The following HIVEP1 variants were observed in gnomAD, a reference collection of about 807,000 sequenced individuals.
The protein encoded by HIVEP1 is zinc finger protein 40.
HIVEP1 carries 36 observed loss-of-function variants against 180.0 expected under a neutral mutation model. That is an observed-to-expected ratio of 0.20 (90% CI 0.15 to 0.26). The LOEUF is 0.26. HIVEP1 is among the 10% of genes least tolerant of loss of function. The pLI, the probability that HIVEP1 is intolerant of heterozygous loss-of-function variation, is 1.00. For synonymous variants in HIVEP1, 1,239 were observed against 1,239.0 expected (o/e 1.00, Z 0.00); for missense variants, 3,143 against 3,268.7 (o/e 0.96, Z 0.94).
chr6:12,133,755 G>T (rs567999666), intron 6 of HIVEP1, among the ~76,000 whole-genome samples: 35 of 152,308 alleles, frequency 2.3e-4, no homozygotes, highest in African/African-American at 8.2e-4. Flanking sequence ...GGCCAAGGCA[G>T]GCAGATTGCC....
chr6:12,175,167 ATAAT>A, the HIVEP1 span, among the ~76,000 whole-genome samples: 54 of 152,334 alleles, frequency 3.5e-4, no homozygotes, highest in South Asian at 1.0e-3. Flanking sequence ...TATTGAATTA[ATAAT>A]TAATTGGTAT....
At chr6:12,176,116 TC>T in the HIVEP1 span, among the ~76,000 whole-genome samples, 123 of 152,264 alleles carry the variant, frequency 8.1e-4, no homozygotes, top group African/African-American at 2.8e-3. Flanking sequence ...TCCAGGTTAC[TC>T]ACAACTGGCA....
chr6:12,124,824 G>A lies in HIVEP1; in HGVS notation c.5029G>A (p.Val1677Met). 1 of 1,614,182 alleles carries A rather than the reference G, an allele frequency of 6.2e-7. No individual in the cohort carries two copies. Among genetic ancestry groups the A allele is most frequent in the East Asian group, 2.2e-5 (1 of 44,886 alleles). Reference sequence around the variant, plus strand: ...AATTTGCCAGACTAATCATAGTGTAGTGCCAATCAGTGAAGAACAAAATTC... The same window carrying A: ...AATTTGCCAGACTAATCATAGTGTAATGCCAATCAGTGAAGAACAAAATTC... ...QPICQTNHSV[V>M]PISEEQNSVP... The change falls in exon 4 of 9, where the codon GTG becomes ATG. Residue 1677 changes from valine (V) to methionine (M), a missense_variant. Val to Met is a conservative substitution (Grantham distance 21). This residue lies in a region of HIVEP1 where 1,357 missense variants were observed against 1,260.5 expected (regional missense o/e 1.08). Coordinates refer to ENST00000379388, the MANE Select transcript of HIVEP1 (RefSeq NM_002114.4).
Position 12,089,189 on chromosome 6 carries a change from A to G in HIVEP1, c.46A>G (p.Ile16Val). Residue 16 changes from isoleucine (I) to valine (V), a missense_variant, in exon 3 of 9, where the codon ATT becomes GTT. Physicochemically the swap from Ile to Val is conservative, Grantham distance 29. Around this residue, in one of 12 missense-constraint regions of HIVEP1, gnomAD observed 114 missense variants for 134.5 expected, o/e 0.85. Coordinates refer to ENST00000379388, the MANE Select transcript of HIVEP1 (RefSeq NM_002114.4). ...TTTTTCTCTGTTTTTCTTAGACAAA[A>G]TTGAAGAAGCACAAAAAGAACTTAA... Reference protein sequence around the residue: ...QIHPRNLRDKIEEAQKELNGA... With the variant: ...QIHPRNLRDKVEEAQKELNGA... 6.5e-7 allele frequency: 1 copy of G among 1,541,122 alleles called. No individual in the cohort carries two copies. Among genetic ancestry groups the G allele is most frequent in the Non-Finnish European group, 8.9e-7 (1 of 1,119,478 alleles).
intron 7 of HIVEP1, among the ~76,000 whole-genome samples, chr6:12,138,058 T>TC (rs1246218190): frequency 1.3e-5 from 2 of 152,232 alleles, no homozygotes; most frequent in Non-Finnish European, 2.9e-5. Context: ...CACTCTCCTG[T>TC]CCCTCTCAGA....
intron 2 of HIVEP1, among the ~76,000 whole-genome samples, chr6:12,061,031 T>C (rs1013462362): frequency 2.0e-5 from 3 of 151,972 alleles, no homozygotes; most frequent in African/African-American, 7.3e-5. Flanking sequence ...GAGCTGCTCC[T>C]AGATGTGACG....
chr6:12,013,103 G>C (rs1767488664), intron 1 of HIVEP1, among the ~76,000 whole-genome samples: 1 of 152,136 alleles, frequency 6.6e-6, no homozygotes, highest in Non-Finnish European at 1.5e-5. Flanking sequence ...GGCGGAGCAG[G>C]CGGCGAGGAG....
At chr6:12,169,677 T>C (rs937140158), downstream of HIVEP1, among the ~76,000 whole-genome samples, 3 of 152,144 alleles carry the variant, frequency 2.0e-5, no homozygotes, top group Admixed American at 6.6e-5. Flanking sequence ...GATTGCTGTA[T>C]TTTGAAGGAG....
chr6:12,067,983 T>A lies in HIVEP1; in HGVS notation c.41-21201T>A, dbSNP rs77086314. ...TTTTCTCCCCTCTAAGACCTACTTATATTTTTCATACCTTTTTAATTTCTG... is the reference window on the plus strand; with the variant it reads ...TTTTCTCCCCTCTAAGACCTACTTAAATTTTTCATACCTTTTTAATTTCTG... On this transcript the variant is annotated intron_variant, in intron 2 of 8. Transcript: ENST00000379388. 2.0e-5 allele frequency among the ~76,000 whole-genome samples: 3 copies of A among 152,192 alleles called. No individual in the cohort carries two copies. The South Asian group carries it at 6.2e-4, about 31-fold the overall frequency.
chr6:12,101,291 C>CTT (rs143844951), intron 3 of HIVEP1, among the ~76,000 whole-genome samples: 2,342 of 152,208 alleles, frequency 0.015, 24 homozygotes, highest in Middle Eastern at 0.058. Flanking sequence ...AACAAATACT[C>CTT]TAAGTATATA....
intron 3 of HIVEP1, among the ~76,000 whole-genome samples, chr6:12,116,153 A>G (rs928685017): frequency 5.3e-5 from 8 of 152,028 alleles, no homozygotes; most frequent in African/African-American, 1.9e-4. Context: ...GCTCTTTTCT[A>G]TAGATAAGAG....
intron 2 of HIVEP1, among the ~76,000 whole-genome samples, chr6:12,079,038 G>C (rs1196058123): frequency 6.6e-6 from 1 of 152,062 alleles, no homozygotes; most frequent in Non-Finnish European, 1.5e-5. Context: ...ATACTGTCTT[G>C]TTCTTGCTCT....
intron 2 of HIVEP1, among the ~76,000 whole-genome samples, chr6:12,088,206 C>T (rs1161264906): frequency 6.6e-6 from 1 of 152,004 alleles, no homozygotes; most frequent in Admixed American, 6.6e-5. Context: ...CTTCCATGGC[C>T]AGTGAGCAGC....
the HIVEP1 span, among the ~76,000 whole-genome samples, chr6:12,178,149 C>G: frequency 1.3e-5 from 2 of 152,166 alleles, no homozygotes; most frequent in African/African-American, 4.8e-5. Context: ...TTGGTACTAC[C>G]CTCAAAACTG....
chr6:12,028,929 C>G (rs987884917), intron 2 of HIVEP1, among the ~76,000 whole-genome samples: 1 of 152,186 alleles, frequency 6.6e-6, no homozygotes, highest in African/African-American at 2.4e-5. Flanking sequence ...TTTGCCTATT[C>G]TGGACATTTA....
intron 2 of HIVEP1, among the ~76,000 whole-genome samples, chr6:12,074,016 T>C (rs901717723): frequency 6.6e-6 from 1 of 152,214 alleles, no homozygotes; most frequent in Middle Eastern, 3.2e-3. Context: ...GTGTGCACCA[T>C]GAGAGCTGTA....
At chr6:12,128,625 G>A (rs1581745683) in intron 4 of HIVEP1, among the ~76,000 whole-genome samples, 1 of 152,080 alleles carries the variant, frequency 6.6e-6, no homozygotes, top group Non-Finnish European at 1.5e-5. Flanking sequence ...GGGATATATA[G>A]TCCACCTGTG....
intron 2 of HIVEP1, among the ~76,000 whole-genome samples, chr6:12,040,817 A>G (rs1378857561): frequency 3.9e-5 from 6 of 151,928 alleles, no homozygotes; most frequent in Non-Finnish European, 8.8e-5. Context: ...GAAGCTTCCA[A>G]TCATGGTGGA....
chr6:12,009,072 T>A (rs1767144265), upstream of HIVEP1, among the ~76,000 whole-genome samples: 2 of 150,256 alleles, frequency 1.3e-5, no homozygotes, highest in Non-Finnish European at 1.5e-5. Flanking sequence ...ACGAGCGGCG[T>A]GACCCGGCGG....
Sources: allele counts gnomAD v4.1 joint callset (sites outside exome capture counted in the v4.1 genomes callset), GRCh38; gene constraint gnomAD v4.1.1; regional missense constraint gnomAD v4.1.1; transcripts MANE v1.5; gene names NCBI Gene and HGNC (gene_info 2026-07-23, HGNC 2026-07-21).